Variants in SRR observed in about 807,000 individuals in gnomAD.
SRR encodes the protein serine racemase.
Under a neutral mutation model 32.7 loss-of-function variants are expected in SRR, and 19 were observed. The ratio of observed to expected loss-of-function variants is 0.58; its 90% CI spans 0.40 to 0.85. The LOEUF is 0.85. Among genes scored for constraint, SRR ranks in the 40% least tolerant of loss-of-function variants. SRR has a pLI of 0.00. For missense variants in SRR, 373 were observed against 404.7 expected, an observed-to-expected ratio of 0.92 and a Z score of 0.67; for synonymous variants, 142 against 140.9, an observed-to-expected ratio of 1.01 and a Z score of -0.06.
At chr17:2,310,839 C>T (rs894981969) in intron 1 of SRR, among the ~76,000 whole-genome samples, 8 of 152,078 alleles carry the variant, frequency 5.3e-5, no homozygotes, top group East Asian at 1.9e-4. Context: ...CTCCGCCTCC[C>T]GGGTTCATGC....
intron 6 of SRR, among the ~76,000 whole-genome samples, chr17:2,322,180 T>C (rs955127180): frequency 1.3e-5 from 2 of 152,178 alleles, no homozygotes; most frequent in African/African-American, 4.8e-5. Flanking sequence ...GTCCTTACTT[T>C]GGCCTCCCAA....
At chr17:2,322,489 A>T (rs889887292) in intron 6 of SRR, 1 of 152,036 alleles carries the variant, frequency 6.6e-6, no homozygotes, top group Non-Finnish European at 1.5e-5. Flanking sequence ...GAAATGTATT[A>T]CTTATTGTGC....
rs963106695 is a variant in SRR, at chr17:2,312,058, T to C, written c.-4-3499T>C. ...GACTTCCTCTCTACTAAAATAAAAA[T>C]TTAAAAAATTAGCTGGGTATGGTGG... is the stretch of plus-strand genomic sequence containing the variant. On this transcript the variant is annotated intron_variant, in intron 1 of 7. Transcript: ENST00000344595. Among the ~76,000 whole-genome samples the C allele has an allele frequency of 3.3e-5, 5 of 151,590 alleles. No homozygotes were observed. In the South Asian group the frequency reaches 1.0e-3, roughly 32 times the overall value.
intron 2 of SRR, among the ~76,000 whole-genome samples, chr17:2,316,595 T>C (rs562949698): frequency 1.3e-5 from 2 of 152,306 alleles, no homozygotes; most frequent in South Asian, 4.1e-4. Flanking sequence ...TACAAATATA[T>C]GACAGGCGCA....
intron 4 of SRR, 31 bp downstream of exon 4, chr17:2,318,960 A>G: frequency 6.8e-7 from 1 of 1,479,464 alleles, no homozygotes; most frequent in Non-Finnish European, 9.4e-7. Flanking sequence ...TACCACCTTA[A>G]CAGCTTTCAT....
chr17:2,318,902 A>T lies in SRR; in HGVS notation c.372A>T (p.Ser124=). Residue 124 remains serine, a synonymous_variant, in exon 4 of 8, where the codon TCA becomes TCT. Coordinates refer to ENST00000344595, the MANE Select transcript of SRR (RefSeq NM_021947.3). The part of the protein sequence containing the change: ...KKLAIQAYGA[S]IVYCEPSDES... Reference sequence around the variant, plus strand: ...TTGCAATACAAGCCTACGGAGCGTCAATTGTATACTGTGAACCTAGTGATG... The same window carrying T: ...TTGCAATACAAGCCTACGGAGCGTCTATTGTATACTGTGAACCTAGTGATG... The T allele has an allele frequency of 6.2e-7, 1 of 1,613,642 alleles. No individual in the cohort carries two copies. The highest frequency in any genetic ancestry group is 8.5e-7 in the Non-Finnish European group (1 of 1,179,640).
At chr17:2,312,128 A>C (rs2075437677) in intron 1 of SRR, among the ~76,000 whole-genome samples, 1 of 151,584 alleles carries the variant, frequency 6.6e-6, no homozygotes, top group Non-Finnish European at 1.5e-5. Context: ...AGGCGGGAAG[A>C]TCACTTGAGC....
At position 2,323,831 on chromosome 17, in the gene SRR, G is replaced by A; in HGVS notation, c.981G>A (p.Lys327=). 1 of 1,614,202 alleles carries A rather than the reference G, an allele frequency of 6.2e-7. No homozygotes were observed. ...TAACCTCCTCCATAACTTGGGTGAA[G>A]CAGGCTGAAAGGCCAGCTTCTTATC... ...VDLTSSITWV[K]QAERPASYQS... The change falls in exon 8 of 8, where the codon AAG becomes AAA. Residue 327 remains lysine, a synonymous_variant. Transcript: ENST00000344595.
chr17:2,319,606 A>G (rs1336481520), intron 4 of SRR, among the ~76,000 whole-genome samples: 2 of 151,970 alleles, frequency 1.3e-5, no homozygotes, highest in Admixed American at 6.6e-5. Context: ...TAACCCTCTC[A>G]TACCCCACAT....
chr17:2,324,541 C>A lies in SRR; in HGVS notation c.*668C>A. On this transcript the variant is annotated 3_prime_UTR_variant, in exon 8 of 8. Transcript: ENST00000344595. ...TGATATGTCCTCTCCGGCCCCACTT[C>A]GTTCTCAGTTCCACTGGTTTAAACC... is the stretch of plus-strand genomic sequence containing the variant. 6.2e-7 allele frequency: 1 copy of A among 1,614,238 alleles called. No homozygotes were observed.
intron 6 of SRR, 145 bp downstream of exon 6, chr17:2,321,761 T>A (rs2075530659): frequency 9.9e-6 from 7 of 710,032 alleles, no homozygotes; most frequent in Non-Finnish European, 1.7e-5. Flanking sequence ...GGCCCATCTC[T>A]GCCTCACTAC....
intron 1 of SRR, among the ~76,000 whole-genome samples, chr17:2,305,384 A>G (rs1481847718): frequency 2.6e-5 from 4 of 152,236 alleles, no homozygotes; most frequent in Non-Finnish European, 5.9e-5. Context: ...CAGATTAGAT[A>G]TGCCAAAAGT....
At chr17:2,321,858 G>A (rs2075531753) in intron 6 of SRR, among the ~76,000 whole-genome samples, 1 of 152,058 alleles carries the variant, frequency 6.6e-6, no homozygotes, top group Non-Finnish European at 1.5e-5. Flanking sequence ...GCCCACTGCA[G>A]CCTCCACCTC....
At chr17:2,306,949 A>G in intron 1 of SRR, 1 of 1,154,788 alleles carries the variant, frequency 8.7e-7, no homozygotes, top group Non-Finnish European at 1.3e-6. Context: ...CACATATGCC[A>G]CTGAGGAGGA....
intron 1 of SRR, among the ~76,000 whole-genome samples, chr17:2,315,198 G>A (rs2075463086): frequency 6.7e-6 from 1 of 148,248 alleles, no homozygotes; most frequent in African/African-American, 2.5e-5. Context: ...CCGAGATTGT[G>A]CCACTGCACT....
Position 2,318,136 on chromosome 17 carries a change from GT to G in SRR, c.295+150del, listed in dbSNP as rs869067546. ...CTGATTGCAAGCAATATGAACATAA[GT>G]TTTTTTTTTGTTTGTTTTGTTTTTT... On this transcript the variant is annotated intron_variant, in intron 3 of 7. Coordinates refer to ENST00000344595, the MANE Select transcript of SRR (RefSeq NM_021947.3). 2.6e-3 allele frequency: 2,431 copies of G among 922,040 alleles called. 3 individuals are homozygous for G. Among genetic ancestry groups the G allele is most frequent in the Non-Finnish European group, 3.0e-3 (2,022 of 669,542 alleles). The allele number at this position is 922,040 out of a possible 1,614,324, so 57.1% of individuals were successfully genotyped here. A position where few individuals can be genotyped will look rare whatever the true frequency, so the allele number is the denominator to read the frequency against.
intron 1 of SRR, among the ~76,000 whole-genome samples, chr17:2,313,863 G>T (rs1232463064): frequency 6.6e-6 from 1 of 152,192 alleles, no homozygotes; most frequent in Admixed American, 6.5e-5. Context: ...ATGTAGTTGG[G>T]CCTGGAAAGG....
At chr17:2,305,480 A>T (rs1002808692) in intron 1 of SRR, among the ~76,000 whole-genome samples, 8 of 152,216 alleles carry the variant, frequency 5.3e-5, no homozygotes, top group Non-Finnish European at 7.3e-5. Context: ...GACATGGAGA[A>T]GGGGTACAAA....
intron 1 of SRR, among the ~76,000 whole-genome samples, chr17:2,311,704 A>G (rs1049192095): frequency 6.6e-6 from 1 of 152,186 alleles, no homozygotes; most frequent in African/African-American, 2.4e-5. Flanking sequence ...AACTTTGATA[A>G]AGTAATTCTA....
Sources: allele counts gnomAD v4.1 joint callset (sites outside exome capture counted in the v4.1 genomes callset), GRCh38; gene constraint gnomAD v4.1.1; transcripts MANE v1.5; gene names NCBI Gene and HGNC (gene_info 2026-07-23, HGNC 2026-07-21).